The following TMEM117 variants were observed in gnomAD, a reference collection of about 807,000 sequenced individuals.
TMEM117 encodes the protein transmembrane protein 117.
In TMEM117, 27 loss-of-function variants were observed where a neutral mutation model predicts 52.4. The ratio of observed to expected loss-of-function variants is 0.51; its 90% confidence interval spans 0.38 to 0.71. TMEM117 has a LOEUF of 0.71. Among genes scored for constraint, TMEM117 ranks in the 30% least tolerant of loss-of-function variants. TMEM117 has a pLI of 0.00. For synonymous variants in TMEM117, 215 were observed against 206.3 expected, an observed-to-expected ratio of 1.04 and a Z score of -0.36; for missense variants, 556 against 630.5, an observed-to-expected ratio of 0.88 and a Z score of 1.26.
intron 5 of TMEM117, among the ~76,000 whole-genome samples, chr12:44,257,409 A>C (rs1200520372): frequency 6.6e-6 from 1 of 152,118 alleles, no homozygotes; most frequent in African/African-American, 2.4e-5. Flanking sequence ...TCTCGAATCC[A>C]GATCTTGACA....
intron 6 of TMEM117, among the ~76,000 whole-genome samples, chr12:44,360,639 G>A (rs1034349531): frequency 4.6e-5 from 7 of 151,396 alleles, no homozygotes; most frequent in African/African-American, 1.7e-4. Context: ...AAAACATATT[G>A]ATGTGTAAGG....
At chr12:44,114,076 T>G (rs1948088296) in intron 3 of TMEM117, among the ~76,000 whole-genome samples, 1 of 148,136 alleles carries the variant, frequency 6.8e-6, no homozygotes, top group South Asian at 2.1e-4. Flanking sequence ...TCGCGCACGG[T>G]GCGCACACAC....
At chr12:43,969,522 A>C (rs1405774819) in intron 3 of TMEM117, among the ~76,000 whole-genome samples, 1 of 134,370 alleles carries the variant, frequency 7.4e-6, no homozygotes, top group Non-Finnish European at 1.7e-5. Context: ...ACTCTGTATC[A>C]AAAAAATAAT....
At chr12:44,073,800 TTG>T (rs1947340594) in intron 3 of TMEM117, 1 of 152,240 alleles carries the variant, frequency 6.6e-6, no homozygotes, top group African/African-American at 2.4e-5. Flanking sequence ...GGTATTCTAT[TTG>T]TGGCTACACA....
At chr12:44,241,446 T>C (rs1384077938) in intron 5 of TMEM117, among the ~76,000 whole-genome samples, 1 of 151,976 alleles carries the variant, frequency 6.6e-6, no homozygotes, top group East Asian at 1.9e-4. Flanking sequence ...TTGAATGAGA[T>C]TGATAATTTT....
intron 3 of TMEM117, among the ~76,000 whole-genome samples, chr12:44,028,008 A>G (rs1042786353): frequency 6.6e-6 from 1 of 152,188 alleles, no homozygotes; most frequent in African/African-American, 2.4e-5. Flanking sequence ...GATAGAGACC[A>G]TGGTGAAACC....
intron 3 of TMEM117, among the ~76,000 whole-genome samples, chr12:44,047,254 A>C (rs1024341138): frequency 6.6e-6 from 1 of 152,144 alleles, no homozygotes; most frequent in East Asian, 1.9e-4. Flanking sequence ...TGCTCTCTGC[A>C]TTCAGGTTGC....
chr12:43,864,332 G>A (rs1053672802), intron 2 of TMEM117, among the ~76,000 whole-genome samples: 1 of 152,136 alleles, frequency 6.6e-6, no homozygotes, highest in Non-Finnish European at 1.5e-5. Context: ...GCCCCAGTGC[G>A]AGATCCACTG....
At chr12:43,881,020 C>T (rs1020840096) in intron 2 of TMEM117, among the ~76,000 whole-genome samples, 5 of 152,094 alleles carry the variant, frequency 3.3e-5, no homozygotes, top group Non-Finnish European at 7.4e-5. Flanking sequence ...ATTCTAAAAC[C>T]GACAACAAGG....
chr12:43,944,148 G>A, intron 2 of TMEM117, 62 bp from the exon 3 acceptor site: 3 of 1,411,166 alleles, frequency 2.1e-6, no homozygotes, highest in Non-Finnish European at 2.9e-6. Flanking sequence ...TTAAAATAAA[G>A]CAAAGATCCA....
rs181802482 is a variant in TMEM117 at position 44,108,124 on chromosome 12, A to T, written c.411-35401A>T. On this transcript the variant is annotated intron_variant, in intron 3 of 7. Transcript: ENST00000266534. ...GACATTTGATGAGCACATCTGCTAA[A>T]GTGAATTTAAAAGGGATAGTTTACT... Among the ~76,000 whole-genome samples the T allele has an allele frequency of 4.0e-4, 61 of 152,294 alleles. No homozygotes were observed. The South Asian group carries it at 0.012, about 31-fold the overall frequency.
chr12:44,206,395 A>G (rs1009109560), intron 4 of TMEM117, among the ~76,000 whole-genome samples: 5 of 152,196 alleles, frequency 3.3e-5, no homozygotes, highest in African/African-American at 1.2e-4. Flanking sequence ...ACAGTGCTGC[A>G]GAGATCTTGT....
At chr12:44,038,574 G>A (rs115631505) in intron 3 of TMEM117, among the ~76,000 whole-genome samples, 39 of 152,198 alleles carry the variant, frequency 2.6e-4, no homozygotes, top group African/African-American at 8.4e-4. Context: ...AGTGTGAGCT[G>A]AGCACAGTCT....
intron 4 of TMEM117, among the ~76,000 whole-genome samples, chr12:44,152,506 TC>T (rs1324101623): frequency 4.3e-5 from 5 of 115,132 alleles, no homozygotes; most frequent in African/African-American, 1.8e-4. Flanking sequence ...TATAATTATA[TC>T]ATATATAAAT....
At chr12:44,300,682 T>C (rs554099161) in intron 6 of TMEM117, among the ~76,000 whole-genome samples, 5 of 152,372 alleles carry the variant, frequency 3.3e-5, no homozygotes, top group African/African-American at 9.6e-5. Context: ...GGGCATTAGG[T>C]TCAAGATGGT....
intron 3 of TMEM117, among the ~76,000 whole-genome samples, chr12:44,061,000 GT>G (rs1292421644): frequency 5.3e-5 from 8 of 152,176 alleles, no homozygotes; most frequent in African/African-American, 1.7e-4. Flanking sequence ...GGCTTTATGT[GT>G]TTTAACTCAT....
intron 6 of TMEM117, among the ~76,000 whole-genome samples, chr12:44,315,838 G>A (rs572689501): frequency 6.6e-6 from 1 of 152,034 alleles, no homozygotes; most frequent in South Asian, 2.1e-4. Flanking sequence ...TATTATTGCT[G>A]GCTTAAAGTC....
chr12:44,316,765 T>C (rs975815469), intron 6 of TMEM117, among the ~76,000 whole-genome samples: 5 of 152,146 alleles, frequency 3.3e-5, no homozygotes, highest in Non-Finnish European at 5.9e-5. Context: ...TTTTTCAGAC[T>C]TTGTTCATTA....
chr12:43,957,299 A>C (rs1945324871), intron 3 of TMEM117, among the ~76,000 whole-genome samples: 1 of 152,200 alleles, frequency 6.6e-6, no homozygotes, highest in Non-Finnish European at 1.5e-5. Context: ...CATGTACCCC[A>C]GAACTTAAAA....
Sources: gnomAD v4.1 joint callset for allele counts (sites outside exome capture counted in the v4.1 genomes callset) on GRCh38, gnomAD v4.1.1 for gene constraint, MANE v1.5 for transcripts, NCBI Gene and HGNC (gene_info 2026-07-23, HGNC 2026-07-21) for gene names.